AOX1: variants seen among roughly 807,000 people sequenced by gnomAD.
The protein encoded by AOX1 is aldehyde oxidase 1, also known as aldehyde oxidase.
AOX1 carries 153 observed loss-of-function variants against 169.5 expected under a neutral mutation model. That is an observed-to-expected ratio of 0.90 (90% confidence interval 0.79 to 1.03). The LOEUF (loss-of-function observed/expected upper bound fraction) is 1.03, where lower values mean the gene tolerates loss of function less well. Ranked by LOEUF, AOX1 falls within the 50% of genes least tolerant of loss-of-function variation. The pLI is 0.00. For synonymous variants in AOX1, 562 were observed against 581.9 expected (o/e 0.97, Z 0.49); for missense variants, 1,656 against 1,663.9 (o/e 1.00, Z 0.08).
At chr2:200,651,342 G>T in intron 26 of AOX1, 141 bp downstream of exon 26, 1 of 708,538 alleles carries the variant, frequency 1.4e-6, no homozygotes, top group Non-Finnish European at 2.4e-6. Context: ...AGCCACCAAA[G>T]TCAAAGTAAT....
At chr2:200,656,729 T>G (rs988392106) in intron 26 of AOX1, 113 bp from the exon 27 acceptor site, 5 of 685,538 alleles carry the variant, frequency 7.3e-6, no homozygotes, top group African/African-American at 3.7e-5. Flanking sequence ...TGCTCCACCC[T>G]GGGGGGTGCG....
intron 5 of AOX1, among the ~76,000 whole-genome samples, chr2:200,601,325 G>T (rs953613935): frequency 9.2e-5 from 14 of 152,102 alleles, no homozygotes; most frequent in Non-Finnish European, 5.9e-5. Context: ...AAACAAAGAT[G>T]TATTCGTCAA....
chr2:200,586,284 G>A (rs894977882), intron 1 of AOX1, 131 bp downstream of exon 1: 5 of 955,120 alleles, frequency 5.2e-6, no homozygotes, highest in Non-Finnish European at 6.0e-6. Context: ...GCTTTCTCCC[G>A]TAACAGCGGC....
chr2:200,634,555 T>C (rs866143291), intron 20 of AOX1, among the ~76,000 whole-genome samples: 6 of 152,334 alleles, frequency 3.9e-5, no homozygotes, highest in Middle Eastern at 3.4e-3. Flanking sequence ...TAGAAAGTCA[T>C]ACACCTTTCT....
At chr2:200,622,601 G>A (rs1264467822) in intron 18 of AOX1, among the ~76,000 whole-genome samples, 1 of 152,140 alleles carries the variant, frequency 6.6e-6, no homozygotes, top group Non-Finnish European at 1.5e-5. Context: ...GAGACGGTGA[G>A]AATTTAAGCC....
chr2:200,609,477 G>A, intron 12 of AOX1, 63 bp downstream of exon 12: 1 of 1,378,566 alleles, frequency 7.3e-7, no homozygotes, highest in Non-Finnish European at 1.0e-6. Flanking sequence ...TCTCTCTGGG[G>A]AGGCAGGAAA....
chr2:200,630,548 G>GAGGAAGGAAGGAAGGAAGGAAGGA (rs67400406), intron 20 of AOX1, among the ~76,000 whole-genome samples: 23 of 120,614 alleles, frequency 1.9e-4, no homozygotes, highest in Admixed American at 5.3e-4. Context: ...GGAAGGAAGG[G>GAGGAAGGAAGGAAGGAAGGAAGGA]AGGAAGGAAG....
At chr2:200,668,379 G>C (rs923821440) in intron 32 of AOX1, among the ~76,000 whole-genome samples, 5 of 152,068 alleles carry the variant, frequency 3.3e-5, no homozygotes, top group Non-Finnish European at 7.4e-5. Flanking sequence ...AAAGTGCTGG[G>C]ATTACAGGTG....
chr2:200,676,225 C>G (rs1174326676), downstream of AOX1, among the ~76,000 whole-genome samples: 1 of 151,900 alleles, frequency 6.6e-6, no homozygotes, highest in Non-Finnish European at 1.5e-5. Flanking sequence ...AAGAAACTCC[C>G]CTGAATGTAG....
chr2:200,592,145 T>C (rs1051010949), intron 1 of AOX1, among the ~76,000 whole-genome samples: 1 of 152,160 alleles, frequency 6.6e-6, no homozygotes, highest in Non-Finnish European at 1.5e-5. Flanking sequence ...GCACCCCATA[T>C]TTTTTCTTAT....
intron 3 of AOX1, among the ~76,000 whole-genome samples, chr2:200,596,574 T>G (rs909038422): frequency 2.0e-5 from 3 of 152,236 alleles, no homozygotes; most frequent in Non-Finnish European, 4.4e-5. Flanking sequence ...GCTTTGTATT[T>G]GAATCTGTTG....
chr2:200,650,963 T>C lies in AOX1; in HGVS notation c.2848-11T>C. 6.2e-7 allele frequency: 1 copy of C among 1,613,402 alleles called. No homozygotes were observed. The highest frequency in any genetic ancestry group is 8.5e-7 in the Non-Finnish European group (1 of 1,179,456). On this transcript the variant is annotated splice_polypyrimidine_tract_variant and intron_variant, in intron 25 of 34. Coordinates refer to ENST00000374700, the MANE Select transcript of AOX1 (RefSeq NM_001159.4). ...TTCCCCTCCCAGCTTTAATCTCCTT[T>C]TCTTTCATAGGTGCGAATCATAAAC...
At chr2:200,629,616 C>A (rs1425611958) in intron 20 of AOX1, among the ~76,000 whole-genome samples, 1 of 152,004 alleles carries the variant, frequency 6.6e-6, no homozygotes, top group African/African-American at 2.4e-5. Flanking sequence ...ATTCTTAGGG[C>A]TAGTAAAATG....
Position 200,587,111 on chromosome 2 carries a change from AAACC to A in AOX1, c.45+961_45+964del, listed in dbSNP as rs1274896695. 4.5e-3 allele frequency among the ~76,000 whole-genome samples: 680 copies of A among 151,584 alleles called. 9 individuals carry two copies. The highest frequency in any genetic ancestry group is 0.016 in the African/African-American group (651 of 41,064). On this transcript the variant is annotated intron_variant, in intron 1 of 34. Transcript: ENST00000374700. ...GCGAAACCTTGTCTCTACAAAAAAA[AAACC>A]AAACAAAACAAAACAACAACAACAA...
At chr2:200,586,909 C>T (rs1235653331) in intron 1 of AOX1, among the ~76,000 whole-genome samples, 1 of 152,174 alleles carries the variant, frequency 6.6e-6, no homozygotes, top group African/African-American at 2.4e-5. Context: ...TGAGCATCAA[C>T]TCTGCTCACT....
intron 10 of AOX1, among the ~76,000 whole-genome samples, chr2:200,608,310 A>T (rs944413705): frequency 6.6e-6 from 1 of 152,248 alleles, no homozygotes; most frequent in Non-Finnish European, 1.5e-5. Flanking sequence ...CAACTATTCA[A>T]TGAAGGATAC....
intron 1 of AOX1, among the ~76,000 whole-genome samples, chr2:200,591,169 T>C (rs1269658655): frequency 6.6e-6 from 1 of 152,176 alleles, no homozygotes; most frequent in Admixed American, 6.5e-5. Flanking sequence ...CTGTGATATT[T>C]CCCCACCACC....
chr2:200,602,997 T>C (rs1294442373), intron 6 of AOX1, among the ~76,000 whole-genome samples: 1 of 152,202 alleles, frequency 6.6e-6, no homozygotes, highest in African/African-American at 2.4e-5. Flanking sequence ...TAATCATTAT[T>C]AATATTTACT....
intron 20 of AOX1, among the ~76,000 whole-genome samples, chr2:200,631,813 A>G (rs2035131793): frequency 6.6e-6 from 1 of 152,252 alleles, no homozygotes; most frequent in South Asian, 2.1e-4. Flanking sequence ...GATAGGCAGA[A>G]TCAATAATAC....
Sources: allele counts gnomAD v4.1 joint callset (sites outside exome capture counted in the v4.1 genomes callset), GRCh38; gene constraint gnomAD v4.1.1; transcripts MANE v1.5; gene names NCBI Gene and HGNC (gene_info 2026-07-23, HGNC 2026-07-21).